Variants in PTPN14 observed in about 807,000 individuals in gnomAD.
The protein encoded by PTPN14 is tyrosine-protein phosphatase non-receptor type 14.
Under a neutral mutation model 126.8 loss-of-function variants are expected in PTPN14, and 53 were observed. The observed-to-expected ratio is 0.42, with a 90% confidence interval of 0.34 to 0.53. The LOEUF (loss-of-function observed/expected upper bound fraction) is 0.53. Ranked by LOEUF, PTPN14 falls within the 20% of genes least tolerant of loss-of-function variation. PTPN14 has a pLI of 0.08. For missense variants in PTPN14, 1,257 were observed against 1,552.9 expected (o/e 0.81, Z 3.20); for synonymous variants, 630 against 599.3 (o/e 1.05, Z -0.75).
In PTPN14 at chr1:214,357,915, G is replaced by T; in HGVS notation, c.*7C>A. ...GGGTCCCTCCTCCAGGAGCTGGATT[G>T]GGGTGATTAAATGAGTCTGGAGTTT... On this transcript the variant is annotated 3_prime_UTR_variant, in exon 19 of 19. Transcript: ENST00000366956. The T allele has an allele frequency of 6.2e-7, 1 of 1,611,344 alleles. No homozygotes were observed. Among genetic ancestry groups the T allele is most frequent in the Non-Finnish European group, 8.5e-7 (1 of 1,178,342 alleles).
intron 1 of PTPN14, among the ~76,000 whole-genome samples, chr1:214,520,610 G>A (rs528891214): frequency 2.0e-5 from 3 of 152,260 alleles, no homozygotes; most frequent in African/African-American, 7.2e-5. Flanking sequence ...CATAACCACT[G>A]CACTGATGGT....
chr1:214,358,062 G>A lies in PTPN14; in HGVS notation c.3436-12C>T. 1.9e-6 allele frequency: 3 copies of A among 1,612,348 alleles called. No individual in the cohort carries two copies. Among genetic ancestry groups the A allele is most frequent in the Non-Finnish European group, 2.5e-6 (3 of 1,179,540 alleles). ...GGCACTTCCACCTTCTGCAAGAAAA[G>A]AGAGAAAGCACAAGGTCCTGAGACA... On this transcript the variant is annotated splice_polypyrimidine_tract_variant and intron_variant, in intron 18 of 18. Transcript: ENST00000366956.
intron 1 of PTPN14, among the ~76,000 whole-genome samples, chr1:214,511,622 A>T (rs183352314): frequency 2.3e-4 from 35 of 152,356 alleles, no homozygotes; most frequent in Admixed American, 2.0e-3. Flanking sequence ...AGTACCTTTA[A>T]CAAATTAAAA....
At chr1:214,462,252 T>C (rs1340811621) in intron 2 of PTPN14, among the ~76,000 whole-genome samples, 4 of 152,220 alleles carry the variant, frequency 2.6e-5, no homozygotes, top group Non-Finnish European at 5.9e-5. Flanking sequence ...GGCAATGCAC[T>C]GCTTTATTCT....
At chr1:214,489,385 G>A (rs1422149634) in intron 1 of PTPN14, among the ~76,000 whole-genome samples, 3 of 151,984 alleles carry the variant, frequency 2.0e-5, no homozygotes, top group Admixed American at 1.3e-4. Context: ...TCCCATATGC[G>A]CCAGTCACCT....
chr1:214,378,498 C>T (rs1313976297), intron 13 of PTPN14, among the ~76,000 whole-genome samples: 2 of 152,186 alleles, frequency 1.3e-5, no homozygotes, highest in African/African-American at 4.8e-5. Flanking sequence ...ATCACAGTGA[C>T]GGACCTTCTG....
rs1558074769 is a variant in PTPN14, at chr1:214,376,323, C to T, written c.2803G>A (p.Glu935Lys). Reference sequence around the variant, plus strand: ...ACAACTTCACGGATTCGGCTGCGCTCGGCGTTTTCTGGCAGAGCTGCTGTG... The same window carrying T: ...ACAACTTCACGGATTCGGCTGCGCTTGGCGTTTTCTGGCAGAGCTGCTGTG... ...FSTAALPENA[E>K]RSRIREVVPY... Residue 935 changes from glutamate (E) to lysine (K), a missense_variant, in exon 15 of 19, where the codon GAG (glutamate) becomes AAG (lysine). By Grantham distance (56) the Glu-to-Lys change is moderately conservative (BLOSUM62 1). Transcript: ENST00000366956. 6 of 1,614,174 alleles carry T rather than the reference C, an allele frequency of 3.7e-6. No individual in the cohort carries two copies. The highest frequency in any genetic ancestry group is 4.2e-6 in the Non-Finnish European group (5 of 1,180,028).
Position 214,384,098 on chromosome 1 carries a change from C to T in PTPN14, c.1757G>A (p.Arg586His), listed in dbSNP as rs762612532. 10 of 1,571,482 alleles carry T rather than the reference C, an allele frequency of 6.4e-6. No individual in the cohort carries two copies. The highest frequency in any genetic ancestry group is 4.5e-5 in the East Asian group (2 of 44,512). ...ATSTPDLASH[R>H]HKYVSGSSPD... The stretch of plus-strand genomic sequence containing the variant: ...GCTGCTGCCGCTGACGTACTTGTGG[C>T]GGTGGCTGGCCAGGTCTGGGGTGCT... Residue 586 changes from arginine (R) to histidine (H), a missense_variant, in exon 13 of 19, where the codon CGC becomes CAC. This residue lies in a region of PTPN14 where 1,021 missense variants were observed against 1,183.3 expected (regional missense o/e 0.86). Coordinates refer to ENST00000366956, the MANE Select transcript of PTPN14 (RefSeq NM_005401.5). This position sits in a 1 kb window ranked among gnomAD's most constrained non-coding sequence, Gnocchi z 5.3.
rs541115652 is a variant in PTPN14, at chr1:214,442,538, C to T, written c.344+9267G>A. On this transcript the variant is annotated intron_variant, in intron 3 of 18. Coordinates refer to ENST00000366956, the MANE Select transcript of PTPN14 (RefSeq NM_005401.5). The stretch of plus-strand genomic sequence containing the variant: ...TTACATGAAGACTCCTTTTGAAATA[C>T]GAATAATGCCTCTGATTTATTTCCT... Among the ~76,000 whole-genome samples the T allele has an allele frequency of 7.2e-5, 11 of 152,270 alleles. No individual in the cohort carries two copies. The South Asian group carries it at 1.7e-3, about 23-fold the overall frequency.
chr1:214,425,906 C>T (rs1659650917), intron 3 of PTPN14, among the ~76,000 whole-genome samples: 1 of 151,762 alleles, frequency 6.6e-6, no homozygotes, highest in African/African-American at 2.4e-5. Context: ...CACGGGGAAA[C>T]GGAGGCTCCC....
intron 13 of PTPN14, among the ~76,000 whole-genome samples, chr1:214,382,311 C>T (rs1035293948): frequency 6.6e-6 from 1 of 151,980 alleles, no homozygotes; most frequent in Non-Finnish European, 1.5e-5. Flanking sequence ...TTAACTGTCT[C>T]CCCAAATTGT....
intron 1 of PTPN14, among the ~76,000 whole-genome samples, chr1:214,508,722 C>T (rs183018771): frequency 1.2e-3 from 176 of 152,294 alleles, no homozygotes; most frequent in Admixed American, 4.2e-3. Flanking sequence ...ACACTATCTA[C>T]GGCAGCTATA....
rs766037454 is a variant in PTPN14, at chr1:214,465,875, T to C, written c.-154-918A>G. 7.7e-3 allele frequency among the ~76,000 whole-genome samples: 382 copies of C among 49,766 alleles called. 1 individual carries two copies. Among genetic ancestry groups the C allele is most frequent in the Non-Finnish European group, 0.012 (301 of 25,744 alleles). 32.6% of individuals were successfully genotyped at this position (49,766 alleles called of 152,430 possible). ...TTAACATTATTTACTTTTATTTTCA[T>C]GTCTTATGTTTTATTATTTACTTAG... On this transcript the variant is annotated intron_variant, in intron 1 of 18. Transcript: ENST00000366956.
chr1:214,550,763 G>C (rs1656088195), intron 1 of PTPN14, among the ~76,000 whole-genome samples: 1 of 152,146 alleles, frequency 6.6e-6, no homozygotes, highest in African/African-American at 2.4e-5. Flanking sequence ...GATTGGGAGC[G>C]TCGGGCAGCT....
At chr1:214,441,973 A>G (rs1273207753) in intron 3 of PTPN14, among the ~76,000 whole-genome samples, 1 of 152,266 alleles carries the variant, frequency 6.6e-6, no homozygotes, top group Non-Finnish European at 1.5e-5. Flanking sequence ...GAATGAACAA[A>G]TGAATGAATG....
intron 2 of PTPN14, among the ~76,000 whole-genome samples, chr1:214,460,408 A>AACAC (rs150101393): frequency 1.9e-4 from 28 of 149,736 alleles, no homozygotes; most frequent in South Asian, 4.2e-4. Flanking sequence ...ACACATACAC[A>AACAC]ACACACACAC....
At chr1:214,547,401 T>C (rs980095268) in intron 1 of PTPN14, among the ~76,000 whole-genome samples, 7 of 152,098 alleles carry the variant, frequency 4.6e-5, no homozygotes, top group Non-Finnish European at 8.8e-5. Flanking sequence ...TGCCCTTTTT[T>C]CTAACATTGT....
intron 5 of PTPN14, among the ~76,000 whole-genome samples, chr1:214,407,409 T>C (rs1000576030): frequency 6.6e-6 from 1 of 151,396 alleles, no homozygotes; most frequent in Non-Finnish European, 1.5e-5. Flanking sequence ...GCATCTGTAA[T>C]CCCAGCTACT....
In PTPN14 at chr1:214,510,757, G is replaced by C. The variant is rs148550826; in HGVS notation, c.-155+40426C>G. Among the ~76,000 whole-genome samples the C allele has an allele frequency of 3.2e-3, 484 of 152,308 alleles. 3 individuals are homozygous for C. Among genetic ancestry groups the C allele is most frequent in the African/African-American group, 0.01 (433 of 41,578 alleles). On this transcript the variant is annotated intron_variant, in intron 1 of 18. Transcript: ENST00000366956. ...ATCTCCATATGTTTGGACTTGGTCT[G>C]GGCAGTTCTATGCCTTGGCTACCAC...
Sources: gnomAD v4.1 joint callset for allele counts (sites outside exome capture counted in the v4.1 genomes callset) on GRCh38, gnomAD v4.1.1 for gene constraint, gnomAD v4.1.1 regional missense constraint, Gnocchi (gnomAD v3.1) non-coding constraint, MANE v1.5 for transcripts, NCBI Gene and HGNC (gene_info 2026-07-23, HGNC 2026-07-21) for gene names.